The following C8orf34 variants were observed in gnomAD, a reference collection of about 807,000 sequenced individuals.
C8orf34 encodes the protein chromosome 8 open reading frame 34.
A neutral mutation model predicts 68.3 loss-of-function variants in C8orf34; 65 were observed. That is an observed-to-expected ratio of 0.95 (90% confidence interval 0.78 to 1.17). The LOEUF (loss-of-function observed/expected upper bound fraction) is 1.17, where lower values mean the gene tolerates loss of function less well. Ranked by LOEUF, C8orf34 falls within the 50% of genes most tolerant of loss-of-function variation. C8orf34 has a pLI of 0.00. For missense variants in C8orf34, 664 were observed against 655.4 expected, an observed-to-expected ratio of 1.01 and a Z score of -0.14; for synonymous variants, 244 against 241.2, an observed-to-expected ratio of 1.01 and a Z score of -0.11.
At chr8:68,483,684 C>T (rs192706527) in intron 4 of C8orf34, among the ~76,000 whole-genome samples, 75 of 152,274 alleles carry the variant, frequency 4.9e-4, no homozygotes, top group African/African-American at 1.8e-3. Context: ...TTGCTTTAGC[C>T]TGCGCACAGT....
chr8:68,448,563 A>C (rs1811215678), intron 3 of C8orf34, among the ~76,000 whole-genome samples: 1 of 152,160 alleles, frequency 6.6e-6, no homozygotes, highest in South Asian at 2.1e-4. Context: ...ATTAGTAGAC[A>C]CATTAGAATA....
At chr8:68,394,087 A>AT (rs34903076) in intron 1 of C8orf34, among the ~76,000 whole-genome samples, 43 of 150,700 alleles carry the variant, frequency 2.9e-4, no homozygotes, top group Non-Finnish European at 3.4e-4. Flanking sequence ...TAGGCATGCC[A>AT]TTTTTTTTTT....
chr8:68,357,091 T>A (rs567665254), intron 1 of C8orf34, among the ~76,000 whole-genome samples: 1 of 152,260 alleles, frequency 6.6e-6, no homozygotes, highest in South Asian at 2.1e-4. Flanking sequence ...AAGTTGGAAT[T>A]GTTTTGGTCA....
intron 7 of C8orf34, among the ~76,000 whole-genome samples, chr8:68,613,647 C>T (rs997070974): frequency 3.3e-5 from 5 of 151,622 alleles, no homozygotes; most frequent in Admixed American, 1.3e-4. Flanking sequence ...GCATAGTATT[C>T]CATGGTGTAT....
chr8:68,607,535 C>T (rs1259877350), intron 7 of C8orf34, among the ~76,000 whole-genome samples: 2 of 152,112 alleles, frequency 1.3e-5, no homozygotes, highest in African/African-American at 4.8e-5. Flanking sequence ...TTTACTTTCT[C>T]AAAGACCCCT....
At chr8:68,711,011 C>T (rs567906694) in intron 9 of C8orf34, among the ~76,000 whole-genome samples, 1 of 152,290 alleles carries the variant, frequency 6.6e-6, no homozygotes, top group South Asian at 2.1e-4. Flanking sequence ...AGACACTCCC[C>T]AGTACCAGCC....
chr8:68,538,363 C>T (rs1433541277), intron 7 of C8orf34, among the ~76,000 whole-genome samples: 1 of 151,934 alleles, frequency 6.6e-6, no homozygotes, highest in Non-Finnish European at 1.5e-5. Flanking sequence ...ATTGTCCCCT[C>T]AGGTACACGT....
At chr8:68,424,692 A>G (rs367794672) in intron 1 of C8orf34, among the ~76,000 whole-genome samples, 2 of 152,126 alleles carry the variant, frequency 1.3e-5, no homozygotes, top group African/African-American at 4.8e-5. Flanking sequence ...CGAGGTCAGG[A>G]GATCTGGAAC....
Position 68,621,543 on chromosome 8 carries a change from A to G in C8orf34, c.1106-18833A>G, listed in dbSNP as rs189420525. Among the ~76,000 whole-genome samples the G allele has an allele frequency of 2.0e-5, 3 of 152,308 alleles. No homozygotes were observed. The East Asian group carries it at 5.8e-4, about 29-fold the overall frequency. On this transcript the variant is annotated intron_variant, in intron 7 of 13. Coordinates refer to ENST00000518698, the MANE Select transcript of C8orf34 (RefSeq NM_052958.4). ...CTCTATATAAAATATTCTACGGTCA[A>G]CTTGGTTATGTCATAAATTTGGCCA... is the stretch of plus-strand genomic sequence containing the variant.
chr8:68,610,275 T>C (rs936852550), intron 7 of C8orf34, among the ~76,000 whole-genome samples: 3 of 152,088 alleles, frequency 2.0e-5, no homozygotes, highest in Non-Finnish European at 2.9e-5. Context: ...GAGTAATTCA[T>C]GAAGCTAATT....
At position 68,449,414 on chromosome 8, in the gene C8orf34, A is replaced by G. The variant is rs1586162598; in HGVS notation, c.607+2954A>G. On this transcript the variant is annotated intron_variant, in intron 3 of 13. Transcript: ENST00000518698. The stretch of plus-strand genomic sequence containing the variant: ...TCATCATCCCAAAAGGAAATCATGT[A>G]CCCAGTAAGTAGTGACTCAACGTTC... Among the ~76,000 whole-genome samples the G allele has an allele frequency of 1.3e-5, 2 of 152,226 alleles. 1 individual carries two copies. Among genetic ancestry groups the G allele is most frequent in the Admixed American group, 1.3e-4 (2 of 15,272 alleles).
intron 8 of C8orf34, among the ~76,000 whole-genome samples, chr8:68,650,690 G>A (rs919810086): frequency 1.6e-4 from 24 of 151,760 alleles, no homozygotes; most frequent in African/African-American, 3.6e-4. Context: ...CGTTTTAGCC[G>A]GGATGGTCTC....
At chr8:68,461,166 C>T (rs1414246817) in intron 3 of C8orf34, among the ~76,000 whole-genome samples, 6 of 152,034 alleles carry the variant, frequency 3.9e-5, no homozygotes, top group Non-Finnish European at 5.9e-5. Context: ...GGAGCCAATG[C>T]GATCAACTGG....
At chr8:68,606,949 C>G (rs1391861222) in intron 7 of C8orf34, among the ~76,000 whole-genome samples, 4 of 152,114 alleles carry the variant, frequency 2.6e-5, no homozygotes, top group Admixed American at 1.3e-4. Flanking sequence ...TCAAAGCACT[C>G]TGGCCACAGG....
intron 1 of C8orf34, among the ~76,000 whole-genome samples, chr8:68,413,238 A>G (rs939733168): frequency 6.6e-6 from 1 of 152,114 alleles, no homozygotes; most frequent in Admixed American, 6.6e-5. Flanking sequence ...CTCATCTCTC[A>G]TCTACTATTT....
intron 3 of C8orf34, among the ~76,000 whole-genome samples, chr8:68,465,258 C>G (rs9720576): frequency 6.6e-6 from 1 of 151,688 alleles, no homozygotes; most frequent in Non-Finnish European, 1.5e-5. Flanking sequence ...GAGATACCAT[C>G]TCACACCAGT....
At chr8:68,749,760 C>T (rs1363954412) in intron 10 of C8orf34, among the ~76,000 whole-genome samples, 1 of 152,182 alleles carries the variant, frequency 6.6e-6, no homozygotes, top group African/African-American at 2.4e-5. Flanking sequence ...ATCCATGTTG[C>T]AGCCATGTTG....
chr8:68,395,753 T>A (rs1808678716), intron 1 of C8orf34, among the ~76,000 whole-genome samples: 1 of 151,902 alleles, frequency 6.6e-6, no homozygotes, highest in Non-Finnish European at 1.5e-5. Flanking sequence ...GCAGTCAAGG[T>A]TGATGGGAGA....
intron 6 of C8orf34, chr8:68,525,979 G>A (rs1455327418): frequency 1.6e-4 from 31 of 193,256 alleles, no homozygotes; most frequent in African/African-American, 1.3e-3. Flanking sequence ...TTTTTTTTGA[G>A]ACAGAGTCTC....
Sources: gnomAD v4.1 joint callset for allele counts (sites outside exome capture counted in the v4.1 genomes callset) on GRCh38, gnomAD v4.1.1 for gene constraint, MANE v1.5 for transcripts, NCBI Gene and HGNC (gene_info 2026-07-23, HGNC 2026-07-21) for gene names.